Variants in GRID2 observed in about 807,000 individuals in gnomAD.
The protein encoded by GRID2 is glutamate receptor ionotropic, delta-2.
A neutral mutation model predicts 114.8 loss-of-function variants in GRID2; 33 were observed. The observed-to-expected ratio is 0.29, with a 90% CI of 0.22 to 0.38. GRID2 has a LOEUF of 0.38. Ranked by LOEUF, GRID2 falls within the 10% of genes least tolerant of loss-of-function variation. The probability of loss-of-function intolerance (pLI) is 1.00; values close to 1 mark genes in which losing one functional copy is unlikely to be tolerated. For missense variants in GRID2, 1,184 were observed against 1,257.7 expected, an observed-to-expected ratio of 0.94 and a Z score of 0.89; for synonymous variants, 505 against 449.9, an observed-to-expected ratio of 1.12 and a Z score of -1.55.
chr4:92,885,360 G>T (rs1746304669), intron 2 of GRID2, among the ~76,000 whole-genome samples: 1 of 152,162 alleles, frequency 6.6e-6, no homozygotes, highest in East Asian at 1.9e-4. Context: ...TTGATTTTGA[G>T]AACTCCCATG....
At chr4:93,052,119 T>C (rs534474936) in intron 2 of GRID2, among the ~76,000 whole-genome samples, 1 of 152,058 alleles carries the variant, frequency 6.6e-6, no homozygotes, top group South Asian at 2.1e-4. Flanking sequence ...TCTGGAGCTT[T>C]ATTGTTTATA....
chr4:93,127,208 A>G (rs371105240), intron 4 of GRID2, among the ~76,000 whole-genome samples: 2 of 152,240 alleles, frequency 1.3e-5, no homozygotes, highest in South Asian at 2.1e-4. Context: ...TTATTATACT[A>G]TTTTTTAACA....
chr4:93,581,149 T>C (rs1436771737), intron 13 of GRID2, among the ~76,000 whole-genome samples: 1 of 126,600 alleles, frequency 7.9e-6, no homozygotes, highest in Non-Finnish European at 1.6e-5. Context: ...CCTGTGTCCA[T>C]GTGTTCTCAT....
At chr4:93,555,420 C>T (rs889673250) in intron 13 of GRID2, among the ~76,000 whole-genome samples, 4 of 151,376 alleles carry the variant, frequency 2.6e-5, no homozygotes, top group Admixed American at 1.3e-4. Flanking sequence ...GAGCTTGGTG[C>T]GGGGAAGGGA....
At chr4:92,338,657 A>G (rs569838961) in intron 1 of GRID2, among the ~76,000 whole-genome samples, 47 of 152,266 alleles carry the variant, frequency 3.1e-4, no homozygotes, top group Non-Finnish European at 5.0e-4. Flanking sequence ...TTGTATGGTA[A>G]AAATTCATAA....
chr4:92,970,365 T>G (rs1753429327), intron 2 of GRID2, among the ~76,000 whole-genome samples: 1 of 151,992 alleles, frequency 6.6e-6, no homozygotes, highest in African/African-American at 2.4e-5. Flanking sequence ...AATAAATATC[T>G]GATTTATTGT....
chr4:92,440,747 C>T (rs1579364408), intron 1 of GRID2, among the ~76,000 whole-genome samples: 1 of 151,712 alleles, frequency 6.6e-6, no homozygotes, highest in South Asian at 2.1e-4. Flanking sequence ...GGGTGAGGAA[C>T]AGGAAAGAAG....
chr4:93,254,222 T>A (rs1749315008), intron 8 of GRID2, among the ~76,000 whole-genome samples: 2 of 152,086 alleles, frequency 1.3e-5, no homozygotes, highest in African/African-American at 4.8e-5. Context: ...AATACACTTT[T>A]CAGGGTTATT....
chr4:92,714,186 C>T (rs187122688), intron 2 of GRID2, among the ~76,000 whole-genome samples: 1 of 152,126 alleles, frequency 6.6e-6, no homozygotes, highest in Non-Finnish European at 1.5e-5. Flanking sequence ...GCTAGAGGCC[C>T]CATGTACGTC....
Position 93,428,475 on chromosome 4 carries a change from C to T in GRID2, c.1545+5507C>T, listed in dbSNP as rs548433924. On this transcript the variant is annotated intron_variant, in intron 10 of 15. Transcript: ENST00000282020. ...ATCGTATACTAATTGAATCATGACT[C>T]AATTCAGAAAAAAAGATTTTATACC... is the stretch of plus-strand genomic sequence containing the variant. Among the ~76,000 whole-genome samples, 46 of 151,950 alleles carry T rather than the reference C, an allele frequency of 3.0e-4. No homozygotes were observed. In the South Asian group the frequency reaches 9.1e-3, roughly 30 times the overall value.
chr4:93,473,259 T>C (rs532431097), intron 11 of GRID2, among the ~76,000 whole-genome samples: 30 of 152,256 alleles, frequency 2.0e-4, no homozygotes, highest in East Asian at 1.4e-3. Context: ...CCATGGTCAT[T>C]TTCTGAAGAA....
chr4:92,812,321 A>G (rs1671783117), intron 2 of GRID2, among the ~76,000 whole-genome samples: 1 of 152,100 alleles, frequency 6.6e-6, no homozygotes, highest in Admixed American at 6.6e-5. Context: ...TTAAGTGGTG[A>G]AAATGATCTG....
At chr4:93,026,200 G>A (rs749895331) in intron 2 of GRID2, among the ~76,000 whole-genome samples, 1 of 151,592 alleles carries the variant, frequency 6.6e-6, no homozygotes, top group Non-Finnish European at 1.5e-5. Flanking sequence ...ATTTAGCTTG[G>A]AATTATGGTC....
intron 9 of GRID2, among the ~76,000 whole-genome samples, chr4:93,412,761 A>G (rs1417503972): frequency 6.6e-6 from 1 of 151,776 alleles, no homozygotes; most frequent in African/African-American, 2.4e-5. Flanking sequence ...CTACCCCACT[A>G]ACAGGCCCCA....
intron 2 of GRID2, among the ~76,000 whole-genome samples, chr4:92,722,888 T>G (rs200666946): frequency 2.0e-5 from 3 of 151,544 alleles, no homozygotes; most frequent in South Asian, 4.2e-4. Flanking sequence ...TTTATAATAA[T>G]AATAGAAAAG....
chr4:92,670,421 C>G (rs1733002674), intron 2 of GRID2, among the ~76,000 whole-genome samples: 1 of 151,868 alleles, frequency 6.6e-6, no homozygotes, highest in East Asian at 1.9e-4. Flanking sequence ...CATCTTCTTT[C>G]ACAGTTATTT....
intron 1 of GRID2, among the ~76,000 whole-genome samples, chr4:92,486,476 A>T (rs1301126833): frequency 1.3e-5 from 2 of 151,108 alleles, no homozygotes. Flanking sequence ...ATTAATATTT[A>T]TGTTTGCTGA....
chr4:93,702,504 T>C (rs1483590763), intron 14 of GRID2, among the ~76,000 whole-genome samples: 1 of 152,148 alleles, frequency 6.6e-6, no homozygotes, highest in Non-Finnish European at 1.5e-5. Flanking sequence ...GGTATTTGTA[T>C]TGCTTTCATC....
chr4:92,444,904 CT>C (rs896287966), intron 1 of GRID2, among the ~76,000 whole-genome samples: 15 of 151,804 alleles, frequency 9.9e-5, no homozygotes, highest in Non-Finnish European at 1.6e-4. Flanking sequence ...AAAGTGAAGA[CT>C]TTTTTTTCAG....
Sources: allele counts gnomAD v4.1 joint callset (sites outside exome capture counted in the v4.1 genomes callset), GRCh38; gene constraint gnomAD v4.1.1; transcripts MANE v1.5; gene names NCBI Gene and HGNC (gene_info 2026-07-23, HGNC 2026-07-21).